Variants in NUP188 observed in about 807,000 individuals in gnomAD.
NUP188 encodes nucleoporin NUP188.
Under a neutral mutation model 223.0 loss-of-function variants are expected in NUP188, and 97 were observed. The ratio of observed to expected loss-of-function variants is 0.43; its 90% CI spans 0.37 to 0.51. The LOEUF is 0.51. Ranked by LOEUF, NUP188 falls within the 20% of genes least tolerant of loss-of-function variation. The pLI is 0.00. For missense variants in NUP188, 1,947 were observed against 2,175.6 expected (o/e 0.89, Z 2.09); for synonymous variants, 869 against 828.0 (o/e 1.05, Z -0.85).
intron 2 of NUP188, among the ~76,000 whole-genome samples, chr9:128,949,810 G>A (rs892950341): frequency 6.6e-6 from 1 of 151,932 alleles, no homozygotes; most frequent in African/African-American, 2.4e-5. Flanking sequence ...TGTATTTTTA[G>A]TGGAGACAGG....
chr9:128,982,523 T>C (rs1163086472), intron 15 of NUP188, 26 bp from the exon 16 acceptor site: 1 of 1,589,366 alleles, frequency 6.3e-7, no homozygotes, highest in Non-Finnish European at 8.6e-7. Flanking sequence ...CCTCAGATAT[T>C]AGACTAATTT....
Position 128,951,890 on chromosome 9 carries a change from T to C in NUP188, c.88-883T>C, listed in dbSNP as rs1316688365. ...TCACCACAACCTCTGCCTCCCAGGT[T>C]CAAGTGATTCTCCTGCCTCAGCCTC... On this transcript the variant is annotated intron_variant, in intron 2 of 43. Coordinates refer to ENST00000372577, the MANE Select transcript of NUP188 (RefSeq NM_015354.3). 2.0e-5 allele frequency among the ~76,000 whole-genome samples: 3 copies of C among 151,832 alleles called. No individual in the cohort carries two copies. In the East Asian group the frequency reaches 5.8e-4, roughly 29 times the overall value.
rs1412602490 is a variant in NUP188, at chr9:128,970,224, G to A, written c.913-534G>A. On this transcript the variant is annotated intron_variant, in intron 10 of 43. Transcript: ENST00000372577. Reference sequence around the variant, plus strand: ...ATTACAGGCTTGAGCCACCGTGCCCGGCCTCTACAATGTTAAACAGTTGAT... The same window carrying A: ...ATTACAGGCTTGAGCCACCGTGCCCAGCCTCTACAATGTTAAACAGTTGAT... Among the ~76,000 whole-genome samples the A allele has an allele frequency of 3.3e-5, 5 of 152,108 alleles. No homozygotes were observed. The East Asian group carries it at 7.7e-4, about 23-fold the overall frequency.
intron 5 of NUP188, among the ~76,000 whole-genome samples, chr9:128,957,700 G>A (rs767483896): frequency 2.0e-5 from 3 of 152,000 alleles, no homozygotes; most frequent in Admixed American, 6.6e-5. Flanking sequence ...TCCTGACCTC[G>A]TGATCCCCCC....
intron 3 of NUP188, among the ~76,000 whole-genome samples, chr9:128,955,472 C>T (rs1841855726): frequency 6.6e-6 from 1 of 152,104 alleles, no homozygotes; most frequent in South Asian, 2.1e-4. Context: ...GTTCTGGCCC[C>T]TCCCTATCCT....
chr9:128,995,251 G>C, intron 29 of NUP188, 68 bp from the exon 30 acceptor site: 1 of 1,307,956 alleles, frequency 7.6e-7, no homozygotes, highest in Non-Finnish European at 1.1e-6. Flanking sequence ...GCCTCAACAA[G>C]GGTCTGTACC....
chr9:128,981,457 A>T lies in NUP188; in HGVS notation c.1516+67A>T, dbSNP rs902503380. On this transcript the variant is annotated intron_variant, in intron 15 of 43. Transcript: ENST00000372577. ...TTTTGATGTCTTGCTCTGTCACCCA[A>T]GCTGGAGTGCAGTGGCAAGATCATA... The T allele has an allele frequency of 3.3e-6, 5 of 1,503,872 alleles. No individual in the cohort carries two copies. The African/African-American group carries it at 7.1e-5, about 21-fold the overall frequency. 93.2% of individuals were successfully genotyped at this position (1,503,872 alleles called of 1,614,324 possible).
In NUP188 at chr9:128,994,423, C is replaced by T. The variant is rs1318425020; in HGVS notation, c.3068C>T (p.Pro1023Leu). Residue 1023 changes from proline to leucine, a missense_variant, in exon 28 of 44, where the codon CCT becomes CTT. Around this residue, in one of 3 missense-constraint regions of NUP188, gnomAD observed 905 missense variants for 990.6 expected, o/e 0.91. Coordinates refer to ENST00000372577, the MANE Select transcript of NUP188 (RefSeq NM_015354.3). ...LTSPLFGTLS[P>L]PSETSEPSIL... is the part of the protein sequence containing the mutation. ...AGTCCGCTGTTTGGAACCCTTTCTC[C>T]TCCCTCTGAAACATCAGAGGTAAGC... The T allele has an allele frequency of 1.2e-6, 2 of 1,613,412 alleles. No individual in the cohort carries two copies. Among genetic ancestry groups the T allele is most frequent in the Admixed American group, 1.7e-5 (1 of 60,018 alleles).
intron 38 of NUP188, chr9:129,003,665 C>CT (rs945226363): frequency 3.9e-5 from 26 of 668,350 alleles, no homozygotes; most frequent in Non-Finnish European, 6.9e-5. Flanking sequence ...AGAATTTGGA[C>CT]TTTTATCAGT....
At position 129,001,535 on chromosome 9, in the gene NUP188, G is replaced by T; in HGVS notation, c.3850G>T (p.Val1284Phe). 6.2e-7 allele frequency: 1 copy of T among 1,613,528 alleles called. No individual in the cohort carries two copies. The change falls in exon 35 of 44, where the codon GTC becomes TTC. Residue 1284 changes from valine (V) to phenylalanine (F), a missense_variant. Coordinates refer to ENST00000372577, the MANE Select transcript of NUP188 (RefSeq NM_015354.3). The part of the protein sequence containing the change: ...RHRDQRDGVC[V>F]LGLHLAKELC... ...CATCTTTGCCTCTGGGCAGGTGTGT[G>T]TCCTGGGCCTGCACCTGGCCAAGGA...
At chr9:128,964,364 C>CTT (rs375961026) in intron 8 of NUP188, 83 of 198,130 alleles carry the variant, frequency 4.2e-4, no homozygotes, top group South Asian at 8.3e-4. Context: ...CACCTTAATT[C>CTT]TTTTTTTTTT....
chr9:129,005,807 C>G lies in NUP188; in HGVS notation c.4869+31C>G, dbSNP rs774391951. The G allele has an allele frequency of 6.6e-5, 102 of 1,555,074 alleles. No homozygotes were observed. In the South Asian group the frequency reaches 1.1e-3, roughly 16 times the overall value. On this transcript the variant is annotated intron_variant, in intron 41 of 43. Transcript: ENST00000372577. ...TTGGTTCTGTCAGACACTGTCCTCT[C>G]CCCCCGGCTCCTCCCCCTGCCTGCC... is the stretch of plus-strand genomic sequence containing the variant.
intron 10 of NUP188, among the ~76,000 whole-genome samples, chr9:128,969,715 G>A (rs1379204809): frequency 2.0e-5 from 3 of 152,156 alleles, no homozygotes; most frequent in Admixed American, 6.5e-5. Context: ...ATGCAGTGGC[G>A]TGGTCTTGGC....
chr9:128,995,661 T>C (rs141753911), intron 30 of NUP188, 147 bp downstream of exon 30: 1 of 702,064 alleles, frequency 1.4e-6, no homozygotes, highest in African/African-American at 1.8e-5. Context: ...TGCTGAGAGA[T>C]TGGGACTGTG....
At chr9:128,981,730 T>C (rs1842256928) in intron 15 of NUP188, among the ~76,000 whole-genome samples, 1 of 152,104 alleles carries the variant, frequency 6.6e-6, no homozygotes, top group South Asian at 2.1e-4. Context: ...TTATCATCAT[T>C]TGAATGGAAA....
chr9:128,973,321 A>G, intron 12 of NUP188, 72 bp downstream of exon 12: 1 of 914,348 alleles, frequency 1.1e-6, no homozygotes, highest in South Asian at 1.4e-5. Context: ...ATATACCCCC[A>G]TTGGATCTGA....
intron 8 of NUP188, among the ~76,000 whole-genome samples, chr9:128,965,321 C>A (rs1407924858): frequency 6.6e-6 from 1 of 152,088 alleles, no homozygotes; most frequent in African/African-American, 2.4e-5. Flanking sequence ...TTGTTCATTT[C>A]ATTTCATTGG....
chr9:128,984,879 TCCCTCTAC>T lies in NUP188; in HGVS notation c.1962-20_1962-13del. The stretch of plus-strand genomic sequence containing the variant: ...CTTGAAATTTCCCTATCATTTTTTT[TCCCTCTAC>T]TTCTTTTTCCAGTGCGGAAGGGATG... On this transcript the variant is annotated splice_polypyrimidine_tract_variant and intron_variant, in intron 19 of 43. Coordinates refer to ENST00000372577, the MANE Select transcript of NUP188 (RefSeq NM_015354.3). The T allele has an allele frequency of 2.0e-6, 3 of 1,517,474 alleles. No individual in the cohort carries two copies. Among genetic ancestry groups the T allele is most frequent in the Admixed American group, 1.9e-5 (1 of 52,224 alleles). 94.0% of individuals were successfully genotyped at this position (1,517,474 alleles called of 1,614,324 possible). A position where few individuals can be genotyped will look rare whatever the true frequency, so the allele number is the denominator to read the frequency against.
chr9:128,987,474 TG>T, intron 22 of NUP188, 114 bp from the exon 23 acceptor site: 1 of 918,672 alleles, frequency 1.1e-6, no homozygotes, highest in Non-Finnish European at 1.6e-6. Context: ...TGCAGAGAGC[TG>T]GTCTCCAGTG....
Sources: allele counts gnomAD v4.1 joint callset (sites outside exome capture counted in the v4.1 genomes callset), GRCh38; gene constraint gnomAD v4.1.1; regional missense constraint gnomAD v4.1.1; transcripts MANE v1.5; gene names NCBI Gene and HGNC (gene_info 2026-07-23, HGNC 2026-07-21).